NEDD9: variants seen among roughly 807,000 people sequenced by gnomAD.
The protein encoded by NEDD9 is neural precursor cell expressed, developmentally down-regulated 9, also known as enhancer of filamentation 1.
In NEDD9, 26 loss-of-function variants were observed where a neutral mutation model predicts 76.6. That is an observed-to-expected ratio of 0.34 (90% CI 0.25 to 0.47). NEDD9 has a LOEUF of 0.47. NEDD9 is among the 20% of genes least tolerant of loss of function. The pLI is 1.00. For synonymous variants in NEDD9, 392 were observed against 414.2 expected (o/e 0.95, Z 0.65); for missense variants, 937 against 1,058.5 (o/e 0.89, Z 1.59).
Position 11,359,197 on chromosome 6 carries a change from G to A in NEDD9, c.-214+22942C>T, listed in dbSNP as rs980128551. Among the ~76,000 whole-genome samples, 4 of 152,220 alleles carry A rather than the reference G, an allele frequency of 2.6e-5. No individual in the cohort carries two copies. The South Asian group carries it at 6.2e-4, about 24-fold the overall frequency. ...GACAGAGAGCCAGCAAGGGTTTCAC[G>A]TGGGCAGGGTGGAGAGATGTCAGGG... On this transcript the variant is annotated intron_variant, in intron 1 of 3. Transcript: ENST00000397378.
At chr6:11,318,390 G>C (rs563885351) in intron 2 of NEDD9, among the ~76,000 whole-genome samples, 1 of 152,142 alleles carries the variant, frequency 6.6e-6, no homozygotes, top group Non-Finnish European at 1.5e-5. Context: ...GGTGTGGAGC[G>C]GGGGATGAGA....
intron 3 of NEDD9, among the ~76,000 whole-genome samples, chr6:11,273,245 A>G (rs1440875265): frequency 6.6e-6 from 1 of 152,256 alleles, no homozygotes; most frequent in African/African-American, 2.4e-5. Flanking sequence ...GCAATTAACC[A>G]TCTACTTTTC....
At chr6:11,229,786 A>G (rs2113259869) in intron 1 of NEDD9, among the ~76,000 whole-genome samples, 1 of 152,346 alleles carries the variant, frequency 6.6e-6, no homozygotes, top group South Asian at 2.1e-4. Context: ...GACAGATTAG[A>G]TAAGTGCTAA....
intron 1 of NEDD9, among the ~76,000 whole-genome samples, chr6:11,379,843 G>A (rs2113582499): frequency 6.6e-6 from 1 of 152,314 alleles, no homozygotes; most frequent in Admixed American, 6.5e-5. Context: ...GTAGCTTTAA[G>A]ATCAGGTTCA....
chr6:11,319,568 ACT>A (rs1284484513), intron 2 of NEDD9, among the ~76,000 whole-genome samples: 3 of 142,110 alleles, frequency 2.1e-5, no homozygotes, highest in African/African-American at 8.4e-5. Flanking sequence ...GGACACACAC[ACT>A]AATATGCACT....
chr6:11,195,810 C>T (rs1432889732), intron 2 of NEDD9, among the ~76,000 whole-genome samples: 3 of 152,162 alleles, frequency 2.0e-5, no homozygotes, highest in Non-Finnish European at 2.9e-5. Context: ...GCCTGGCCAA[C>T]ATGGTGAAAC....
intron 3 of NEDD9, among the ~76,000 whole-genome samples, chr6:11,250,580 A>G (rs16871161): frequency 0.027 from 4,047 of 152,216 alleles, 77 homozygotes; most frequent in East Asian, 0.12. Context: ...TTGCCGGCAT[A>G]CCATTCTCTG....
chr6:11,242,688 CCT>C (rs1453379212), intron 3 of NEDD9, among the ~76,000 whole-genome samples: 1 of 152,136 alleles, frequency 6.6e-6, no homozygotes, highest in African/African-American at 2.4e-5. Flanking sequence ...CTAACCATCC[CCT>C]CTCTGATGTG....
At chr6:11,352,824 C>T (rs548465444) in intron 1 of NEDD9, 21 of 152,218 alleles carry the variant, frequency 1.4e-4, no homozygotes, top group Non-Finnish European at 3.1e-4. Flanking sequence ...ATCATGATCT[C>T]GCTTTTCTAC....
chr6:11,334,301 T>C (rs559095922), intron 2 of NEDD9, among the ~76,000 whole-genome samples: 232 of 152,372 alleles, frequency 1.5e-3, no homozygotes, highest in African/African-American at 5.3e-3. Flanking sequence ...GTATTCCTTA[T>C]ACATTTTAAA....
At chr6:11,284,483 G>A (rs895893483) in intron 3 of NEDD9, among the ~76,000 whole-genome samples, 15 of 151,240 alleles carry the variant, frequency 9.9e-5, no homozygotes, top group East Asian at 1.9e-4. Context: ...GGAGAATGGC[G>A]TGAACCCGGG....
At chr6:11,265,806 G>C (rs1760189692) in intron 3 of NEDD9, among the ~76,000 whole-genome samples, 1 of 152,078 alleles carries the variant, frequency 6.6e-6, no homozygotes, top group African/African-American at 2.4e-5. Context: ...TGGAGGATTA[G>C]GTAAAGAAAA....
chr6:11,274,117 A>C (rs1760370592), intron 3 of NEDD9, among the ~76,000 whole-genome samples: 1 of 152,174 alleles, frequency 6.6e-6, no homozygotes, highest in African/African-American at 2.4e-5. Context: ...GAACCAGATG[A>C]GAATTGGAGT....
At chr6:11,245,638 G>GA (rs34415510) in intron 3 of NEDD9, among the ~76,000 whole-genome samples, 73,670 of 151,902 alleles carry the variant, frequency 0.48, 19,203 homozygotes, top group East Asian at 0.77. Flanking sequence ...TGCGTTGGGG[G>GA]AAAAAAATCA....
rs1416875948 is a variant in NEDD9, at chr6:11,185,502, A to C, written c.2165T>G (p.Leu722Arg). 1.9e-6 allele frequency: 3 copies of C among 1,614,222 alleles called. No individual in the cohort carries two copies. The highest frequency in any genetic ancestry group is 2.5e-6 in the Non-Finnish European group (3 of 1,180,036). The change falls in exon 7 of 7, where the codon CTT (leucine) becomes CGT (arginine). Residue 722 changes from leucine (L) to arginine (R), a missense_variant. Physicochemically the swap from Leu to Arg is moderately radical, Grantham distance 102. Transcript: ENST00000379446. ...GAAGAGTGCGTCAATGGCGTTGAGA[A>C]GGGAAATGAAATGGGTCTCACATTG... ...YDQCETHFIS[L>R]LNAIDALFSC...
At chr6:11,265,129 G>A (rs930738303) in intron 3 of NEDD9, among the ~76,000 whole-genome samples, 5 of 152,136 alleles carry the variant, frequency 3.3e-5, no homozygotes, top group Admixed American at 6.5e-5. Context: ...TTAATTCAAG[G>A]AAAATTAAAT....
intron 1 of NEDD9, among the ~76,000 whole-genome samples, chr6:11,379,713 A>C (rs1415443391): frequency 2.6e-5 from 4 of 152,216 alleles, no homozygotes. Flanking sequence ...AACCATAAAA[A>C]GCAAATACAG....
intron 3 of NEDD9, among the ~76,000 whole-genome samples, chr6:11,278,995 C>G (rs1457617324): frequency 6.6e-6 from 1 of 151,748 alleles, no homozygotes; most frequent in East Asian, 1.9e-4. Flanking sequence ...ACCCCTAGGT[C>G]TGCAGACATC....
At chr6:11,354,242 G>A (rs1427969285) in intron 1 of NEDD9, among the ~76,000 whole-genome samples, 1 of 152,218 alleles carries the variant, frequency 6.6e-6, no homozygotes, top group Non-Finnish European at 1.5e-5. Context: ...ATTGAAGAAA[G>A]TACTGAGTCC....
Sources: allele counts gnomAD v4.1 joint callset (sites outside exome capture counted in the v4.1 genomes callset), GRCh38; gene constraint gnomAD v4.1.1; transcripts MANE v1.5; gene names NCBI Gene and HGNC (gene_info 2026-07-23, HGNC 2026-07-21).